Variants in TENM4 observed in about 807,000 individuals in gnomAD.
TENM4 encodes teneurin transmembrane protein 4.
TENM4 carries 82 observed loss-of-function variants against 243.3 expected under a neutral mutation model. The observed-to-expected ratio is 0.34, with a 90% CI of 0.28 to 0.40. TENM4 has a LOEUF of 0.40. Ranked by LOEUF, TENM4 falls within the 10% of genes least tolerant of loss-of-function variation. The pLI is 1.00. For missense variants in TENM4, 3,138 were observed against 3,673.3 expected (o/e 0.85, Z 3.77); for synonymous variants, 1,412 against 1,456.3 (o/e 0.97, Z 0.69).
At chr11:78,735,616 A>G (rs1032367935) in intron 20 of TENM4, among the ~76,000 whole-genome samples, 23 of 152,278 alleles carry the variant, frequency 1.5e-4, no homozygotes, top group Middle Eastern at 3.4e-3. Context: ...TGTGACCCCA[A>G]AGGGAAGGCC....
chr11:79,001,304 G>A (rs546739324), intron 6 of TENM4, among the ~76,000 whole-genome samples: 3 of 152,278 alleles, frequency 2.0e-5, no homozygotes, highest in East Asian at 1.9e-4. Context: ...GACATTGATA[G>A]TGGATGAAGG....
chr11:79,185,451 C>G (rs1027157228), intron 3 of TENM4, among the ~76,000 whole-genome samples: 1 of 152,182 alleles, frequency 6.6e-6, no homozygotes, highest in African/African-American at 2.4e-5. Context: ...AGATTATAGT[C>G]TCATATCTGA....
At chr11:79,295,626 C>T (rs1221028799) in intron 2 of TENM4, among the ~76,000 whole-genome samples, 1 of 152,068 alleles carries the variant, frequency 6.6e-6, no homozygotes, top group Non-Finnish European at 1.5e-5. Context: ...AGAGATCAGA[C>T]AAGCACTGGG....
intron 6 of TENM4, among the ~76,000 whole-genome samples, chr11:79,000,452 GTA>G (rs35123941): frequency 0.44 from 66,972 of 151,344 alleles, 19,096 homozygotes; most frequent in African/African-American, 0.83. Context: ...TTTATAATAT[GTA>G]TATATATATA....
At chr11:78,661,248 C>T (rs1450298097) in intron 33 of TENM4, among the ~76,000 whole-genome samples, 10 of 152,194 alleles carry the variant, frequency 6.6e-5, no homozygotes, top group East Asian at 1.9e-4. Context: ...AGCTTGTAAG[C>T]GTCTGTGTGT....
At chr11:79,225,999 T>C (rs910967543) in intron 2 of TENM4, among the ~76,000 whole-genome samples, 2 of 152,202 alleles carry the variant, frequency 1.3e-5, no homozygotes, top group Non-Finnish European at 2.9e-5. Context: ...TGTCCAAACA[T>C]GTCCCCAGAA....
chr11:78,904,214 G>C (rs1856008066), intron 6 of TENM4, among the ~76,000 whole-genome samples: 1 of 151,826 alleles, frequency 6.6e-6, no homozygotes, highest in Non-Finnish European at 1.5e-5. Context: ...CAAAAAATTA[G>C]CCGGGCGTGG....
chr11:78,812,895 A>T (rs1321483097), intron 13 of TENM4, among the ~76,000 whole-genome samples: 1 of 152,198 alleles, frequency 6.6e-6, no homozygotes, highest in Non-Finnish European at 1.5e-5. Flanking sequence ...CTTAGAGTAA[A>T]GGATTTTGTG....
At position 78,669,658 on chromosome 11, in the gene TENM4, C is replaced by T; in HGVS notation, c.6687G>A (p.Gly2229=). Residue 2229 remains glycine, a synonymous_variant, in exon 32 of 34, where the codon GGG becomes GGA. Transcript: ENST00000278550. This position sits in a 1 kb window ranked among gnomAD's most constrained non-coding sequence, Gnocchi z 6.4. The part of the protein sequence containing the change: ...LNGNLHLLSP[G]NSARLTPLRY... ...GTAGTGGTGTGAGCCGTGCACTGTT[C>T]CCAGGGCTCAGTAAGTGCAGGTTCC... 1 of 1,613,980 alleles carries T rather than the reference C, an allele frequency of 6.2e-7. No homozygotes were observed. Among genetic ancestry groups the T allele is most frequent in the Non-Finnish European group, 8.5e-7 (1 of 1,179,894 alleles).
At chr11:78,835,396 C>A (rs144164222) in intron 12 of TENM4, among the ~76,000 whole-genome samples, 4 of 152,156 alleles carry the variant, frequency 2.6e-5, no homozygotes, top group Admixed American at 2.6e-4. Flanking sequence ...GTCCCAGCTA[C>A]TGGGGAGGCT....
At position 78,894,512 on chromosome 11, in the gene TENM4, A is replaced by T. The variant is rs576938662; in HGVS notation, c.750-3176T>A. 1.4e-4 allele frequency among the ~76,000 whole-genome samples: 22 copies of T among 152,320 alleles called. No homozygotes were observed. The East Asian group carries it at 4.2e-3, about 29-fold the overall frequency. On this transcript the variant is annotated intron_variant, in intron 7 of 33. Coordinates refer to ENST00000278550, the MANE Select transcript of TENM4 (RefSeq NM_001098816.3). Reference sequence around the variant, plus strand: ...AACAGTTATTTTTAAAAAAAGAGAGACTGGACAATTATCTTCTAAAAGTAC... The same window carrying T: ...AACAGTTATTTTTAAAAAAAGAGAGTCTGGACAATTATCTTCTAAAAGTAC...
In TENM4 at chr11:79,108,507, G is replaced by GTA. The variant is rs144188671; in HGVS notation, c.-65-38500_-65-38499dup. 2.3e-3 allele frequency among the ~76,000 whole-genome samples: 343 copies of GTA among 151,042 alleles called. 1 individual carries two copies. Among genetic ancestry groups the GTA allele is most frequent in the African/African-American group, 7.7e-3 (317 of 41,166 alleles). On this transcript the variant is annotated intron_variant, in intron 4 of 33. Transcript: ENST00000278550. ...ACACATATGTATACTGTGTGTGTGT[G>GTA]TATATATATATATGTAGAACATATA...
intron 12 of TENM4, among the ~76,000 whole-genome samples, chr11:78,838,622 G>C (rs970143168): frequency 1.6e-5 from 1 of 63,518 alleles, no homozygotes; most frequent in African/African-American, 5.3e-5. Flanking sequence ...AATTCCTCTA[G>C]GGGGCAGGCA....
At chr11:78,735,445 G>C (rs1182121327) in intron 20 of TENM4, among the ~76,000 whole-genome samples, 1 of 152,234 alleles carries the variant, frequency 6.6e-6, no homozygotes, top group African/African-American at 2.4e-5. Context: ...CTCCCTTCAT[G>C]AGAGGCTGTA....
chr11:78,708,569 G>A (rs759741983), intron 26 of TENM4, 54 bp from the exon 27 acceptor site: 5 of 1,583,292 alleles, frequency 3.2e-6, no homozygotes, highest in South Asian at 1.1e-5. Flanking sequence ...ACAATGACCC[G>A]CACATTCCTG....
At chr11:79,116,916 C>A (rs1861633838) in intron 4 of TENM4, among the ~76,000 whole-genome samples, 1 of 152,160 alleles carries the variant, frequency 6.6e-6, no homozygotes, top group Non-Finnish European at 1.5e-5. Flanking sequence ...AGCATGGATC[C>A]TGCACAGGGT....
chr11:78,853,017 G>A (rs1858578197), intron 12 of TENM4, among the ~76,000 whole-genome samples: 1 of 151,770 alleles, frequency 6.6e-6, no homozygotes, highest in African/African-American at 2.4e-5. Flanking sequence ...GCCTCCCAAA[G>A]TGCTGAGATT....
chr11:79,412,456 G>A (rs1233138259), intron 1 of TENM4, among the ~76,000 whole-genome samples: 9 of 152,150 alleles, frequency 5.9e-5, no homozygotes, highest in Non-Finnish European at 2.9e-5. Context: ...GAGTGAGGTG[G>A]CTAACAGTAG....
At chr11:79,286,581 A>C (rs376135555) in intron 2 of TENM4, among the ~76,000 whole-genome samples, 20 of 151,998 alleles carry the variant, frequency 1.3e-4, no homozygotes, top group African/African-American at 4.1e-4. Context: ...AGGCAGGAGA[A>C]TTGATTGAAC....
Sources: gnomAD v4.1 joint callset for allele counts (sites outside exome capture counted in the v4.1 genomes callset) on GRCh38, gnomAD v4.1.1 for gene constraint, Gnocchi (gnomAD v3.1) non-coding constraint, MANE v1.5 for transcripts, NCBI Gene and HGNC (gene_info 2026-07-23, HGNC 2026-07-21) for gene names.